PDXDC1: variants seen among roughly 807,000 people sequenced by gnomAD.
PDXDC1 encodes pyridoxal-dependent decarboxylase domain-containing protein 1.
A neutral mutation model predicts 100.1 loss-of-function variants in PDXDC1; 42 were observed. The observed-to-expected ratio is 0.42, with a 90% CI of 0.33 to 0.54. PDXDC1 has a LOEUF of 0.54. Ranked by LOEUF, PDXDC1 falls within the 20% of genes least tolerant of loss-of-function variation. The pLI, the probability that PDXDC1 is intolerant of heterozygous loss-of-function variation, is 0.10. For missense variants in PDXDC1, 636 were observed against 979.2 expected (o/e 0.65, Z 4.68); for synonymous variants, 260 against 371.7 (o/e 0.70, Z 3.46).
chr16:15,100,099 A>G (rs1373671984), intron 16 of PDXDC1, among the ~76,000 whole-genome samples: 1 of 152,234 alleles, frequency 6.6e-6, no homozygotes, highest in Non-Finnish European at 1.5e-5. Flanking sequence ...AGATGAGGTG[A>G]CAGTATACCA....
At chr16:15,033,886 G>C (rs1212297433) in intron 19 of PDXDC1, among the ~76,000 whole-genome samples, 2 of 152,140 alleles carry the variant, frequency 1.3e-5, no homozygotes, top group Admixed American at 1.3e-4. Context: ...CCTCCAAACA[G>C]ATGATTACTT....
At chr16:14,990,061 A>G in intron 1 of PDXDC1, 1 of 1,493,012 alleles carries the variant, frequency 6.7e-7, no homozygotes. Flanking sequence ...CCCCCAAACC[A>G]CAGAAGCAGC....
the PDXDC1 span, among the ~76,000 whole-genome samples, chr16:15,145,987 C>G: frequency 3.9e-5 from 6 of 152,216 alleles, no homozygotes; most frequent in South Asian, 4.1e-4. Flanking sequence ...GGGTCTCCCC[C>G]ACGAGCAGGG....
intron 16 of PDXDC1, among the ~76,000 whole-genome samples, chr16:15,089,574 G>A (rs980372836): frequency 6.6e-5 from 10 of 152,134 alleles, no homozygotes; most frequent in African/African-American, 2.4e-4. Context: ...GCCAAGGCGG[G>A]CGGATCACGA....
At chr16:15,146,028 G>A in the PDXDC1 span, among the ~76,000 whole-genome samples, 1 of 152,224 alleles carries the variant, frequency 6.6e-6, no homozygotes, top group East Asian at 1.9e-4. Context: ...GGGAGCGAGG[G>A]CAGTGGCAGA....
Position 15,101,312 on chromosome 16 carries a change from TTTTG to T in PDXDC1, c.1400-37551_1400-37548del, listed in dbSNP as rs539667833. 1.7e-3 allele frequency among the ~76,000 whole-genome samples: 265 copies of T among 152,242 alleles called. 3 individuals are homozygous for T. The highest frequency in any genetic ancestry group is 0.016 in the South Asian group (77 of 4,816). Reference sequence around the variant, plus strand: ...GAGATAGACAGATAGGCACGGTCTTTTTTGTTTGTTTGTTTGTTTTTTGAGACGG... The same window carrying T: ...GAGATAGACAGATAGGCACGGTCTTTTTTGTTTGTTTGTTTTTTGAGACGG... On this transcript the variant is annotated intron_variant, in intron 16 of 16. Coordinates refer to the PDXDC1 transcript ENST00000535621.
In PDXDC1 at chr16:15,117,272, T is replaced by A. The variant is rs1419756965; in HGVS notation, c.1400-21607T>A. On this transcript the variant is annotated intron_variant, in intron 16 of 16. Coordinates refer to the PDXDC1 transcript ENST00000535621. The stretch of plus-strand genomic sequence containing the variant: ...GCAACAAGGGAGAAACTGTCTCAAA[T>A]AAATAAATAAATAAATAAAATAATG... 9.0e-3 allele frequency among the ~76,000 whole-genome samples: 537 copies of A among 59,992 alleles called. 7 individuals carry two copies. The highest frequency in any genetic ancestry group is 0.012 in the Non-Finnish European group (362 of 31,114). The allele number at this position is 59,992 out of a possible 152,430, so 39.4% of individuals were successfully genotyped here. A position where few individuals can be genotyped will look rare whatever the true frequency, so the allele number is the denominator to read the frequency against.
chr16:14,994,444 A>G (rs1971526393), intron 1 of PDXDC1, among the ~76,000 whole-genome samples: 1 of 152,408 alleles, frequency 6.6e-6, no homozygotes, highest in Non-Finnish European at 1.5e-5. Flanking sequence ...AAGATCAGAT[A>G]GTTGTAGATA....
chr16:15,078,019 G>A (rs1294969965), intron 16 of PDXDC1, among the ~76,000 whole-genome samples: 2 of 152,120 alleles, frequency 1.3e-5, no homozygotes, highest in African/African-American at 2.4e-5. Context: ...TGTGCATGAT[G>A]CAATATTTAT....
intron 12 of PDXDC1, among the ~76,000 whole-genome samples, chr16:15,020,674 C>G (rs1173482492): frequency 6.6e-6 from 1 of 150,816 alleles, no homozygotes; most frequent in Non-Finnish European, 1.5e-5. Flanking sequence ...GAGCGAAACT[C>G]AGTCTTTTAA....
At chr16:15,072,679 C>A (rs1257881823) in intron 16 of PDXDC1, among the ~76,000 whole-genome samples, 2 of 151,942 alleles carry the variant, frequency 1.3e-5, no homozygotes, top group Non-Finnish European at 2.9e-5. Context: ...AACCTGTGGT[C>A]CCAGCTATCG....
chr16:15,005,008 C>T (rs1355078972), intron 5 of PDXDC1, among the ~76,000 whole-genome samples: 5 of 152,274 alleles, frequency 3.3e-5, no homozygotes, highest in Non-Finnish European at 5.9e-5. Flanking sequence ...ATGCAGAACC[C>T]ATAGGTTCAG....
At chr16:15,010,161 C>T (rs1210336449) in intron 8 of PDXDC1, among the ~76,000 whole-genome samples, 1 of 152,286 alleles carries the variant, frequency 6.6e-6, no homozygotes, top group Non-Finnish European at 1.5e-5. Context: ...TTTCTCCTGC[C>T]TCAACCTCCT....
At chr16:15,130,387 C>T (rs772213276) in intron 16 of PDXDC1, 53 of 1,578,384 alleles carry the variant, frequency 3.4e-5, no homozygotes, top group Non-Finnish European at 4.4e-5. Flanking sequence ...CCCACGGACA[C>T]CTCCAGCGCC....
At chr16:15,061,437 T>C (rs1459925189) in intron 16 of PDXDC1, 4 of 327,568 alleles carry the variant, frequency 1.2e-5, no homozygotes, top group Non-Finnish European at 2.2e-5. Context: ...TACCCAGTAA[T>C]TGTGTCAAAA....
At chr16:15,125,697 G>T (rs763117205) in intron 16 of PDXDC1, 2 of 1,352,320 alleles carry the variant, frequency 1.5e-6, no homozygotes, top group Non-Finnish European at 2.1e-6. Context: ...TCACCTCAGC[G>T]TGGAGGCCTG....
chr16:15,041,135 A>G (rs776370112), downstream of PDXDC1: 4 of 1,463,388 alleles, frequency 2.7e-6, no homozygotes, highest in South Asian at 4.5e-5. Flanking sequence ...CAAAATAAGA[A>G]TGTTTAAGAT....
rs903287930 is a variant in PDXDC1, at chr16:15,126,034, A to G, written c.1400-12845A>G. ...GTGCAGCTAAGGAACAGAGTTTTCA[A>G]TTTCATTTTTTTTTTTCTTAGATGG... On this transcript the variant is annotated intron_variant, in intron 16 of 16. Coordinates refer to the PDXDC1 transcript ENST00000535621. 6.8e-6 allele frequency: 4 copies of G among 587,732 alleles called. No individual in the cohort carries two copies. In the Admixed American group the frequency reaches 8.9e-5, roughly 13 times the overall value. The allele number at this position is 587,732 out of a possible 1,614,324, so 36.4% of individuals were successfully genotyped here.
intron 16 of PDXDC1, among the ~76,000 whole-genome samples, chr16:15,101,961 G>A (rs1407376923): frequency 4.0e-5 from 6 of 151,784 alleles, no homozygotes; most frequent in South Asian, 2.1e-4. Context: ...CGATTCTCCT[G>A]CCTCAGCCTC....
Sources: gnomAD v4.1 joint callset for allele counts (sites outside exome capture counted in the v4.1 genomes callset) on GRCh38, gnomAD v4.1.1 for gene constraint, MANE v1.5 for transcripts, NCBI Gene and HGNC (gene_info 2026-07-23, HGNC 2026-07-21) for gene names.